The following KCNK2 variants were observed in gnomAD, a reference collection of about 807,000 sequenced individuals.
The protein encoded by KCNK2 is potassium channel subfamily K member 2.
Under a neutral mutation model 40.5 loss-of-function variants are expected in KCNK2, and 21 were observed. The ratio of observed to expected loss-of-function variants is 0.52; its 90% confidence interval spans 0.37 to 0.75. KCNK2 has a LOEUF of 0.75. KCNK2 is among the 30% of genes least tolerant of loss of function. KCNK2 has a pLI of 0.00. For missense variants in KCNK2, 399 were observed against 531.6 expected, an observed-to-expected ratio of 0.75 and a Z score of 2.45; for synonymous variants, 191 against 202.2, an observed-to-expected ratio of 0.94 and a Z score of 0.47.
chr1:215,121,266 G>C (rs529380622), intron 2 of KCNK2, among the ~76,000 whole-genome samples: 12 of 152,038 alleles, frequency 7.9e-5, no homozygotes, highest in Non-Finnish European at 1.2e-4. Flanking sequence ...CCCCCTCAGA[G>C]GTTTGTTAAG....
chr1:215,195,454 A>G lies in KCNK2; in HGVS notation c.963+362A>G, dbSNP rs532589030. Among the ~76,000 whole-genome samples the G allele has an allele frequency of 4.2e-3, 638 of 152,134 alleles. 19 individuals carry two copies. The South Asian group carries it at 0.063, about 15-fold the overall frequency. On this transcript the variant is annotated intron_variant, in intron 6 of 6. Transcript: ENST00000444842. Reference sequence around the variant, plus strand: ...AATATAATAGAAAATATTTGTATCAAGATATCAGTAGCATGAAATAGTGGA... The same window carrying G: ...AATATAATAGAAAATATTTGTATCAGGATATCAGTAGCATGAAATAGTGGA...
chr1:215,098,867 T>C (rs564170007), intron 2 of KCNK2, among the ~76,000 whole-genome samples: 1 of 152,116 alleles, frequency 6.6e-6, no homozygotes, highest in Non-Finnish European at 1.5e-5. Flanking sequence ...AGAGCTGTTT[T>C]ATTTTTCTCT....
At chr1:215,173,984 A>G (rs568793127) in intron 5 of KCNK2, among the ~76,000 whole-genome samples, 8 of 152,208 alleles carry the variant, frequency 5.3e-5, no homozygotes, top group Non-Finnish European at 8.8e-5. Flanking sequence ...ATTAGATCCC[A>G]TTTGTCAATT....
At chr1:215,072,927 C>A (rs565007894) in intron 1 of KCNK2, among the ~76,000 whole-genome samples, 50 of 151,950 alleles carry the variant, frequency 3.3e-4, no homozygotes, top group Non-Finnish European at 6.6e-4. Context: ...ACCCCAATAC[C>A]GTAGAATGTG....
In KCNK2 at chr1:215,024,409, A is replaced by G. The variant is rs546988668; in HGVS notation, c.34+18454A>G. ...TTGCAGGAGCCCAGTTCACTTACGC[A>G]GTGAATAATATGTTTCTAATCCTAG... On this transcript the variant is annotated intron_variant, in intron 1 of 6. Transcript: ENST00000391895. Among the ~76,000 whole-genome samples the G allele has an allele frequency of 2.0e-5, 3 of 152,354 alleles. No individual in the cohort carries two copies. The South Asian group carries it at 6.2e-4, about 32-fold the overall frequency.
At chr1:215,063,239 A>C (rs574651790) in intron 1 of KCNK2, among the ~76,000 whole-genome samples, 4 of 152,184 alleles carry the variant, frequency 2.6e-5, no homozygotes, top group Non-Finnish European at 5.9e-5. Flanking sequence ...AGAACATTCT[A>C]TTTCTTGCCA....
chr1:215,071,178 T>A (rs990660537), intron 1 of KCNK2, among the ~76,000 whole-genome samples: 1 of 152,172 alleles, frequency 6.6e-6, no homozygotes, highest in Non-Finnish European at 1.5e-5. Flanking sequence ...TCCATAAATA[T>A]ATTTGCATAA....
At chr1:215,211,052 A>G (rs1665723655) in intron 6 of KCNK2, among the ~76,000 whole-genome samples, 2 of 152,082 alleles carry the variant, frequency 1.3e-5, no homozygotes, top group African/African-American at 4.8e-5. Context: ...AAGACACCAG[A>G]ATAATCCTTT....
intron 2 of KCNK2, among the ~76,000 whole-genome samples, chr1:215,102,122 A>G (rs1660248696): frequency 6.6e-6 from 1 of 151,976 alleles, no homozygotes; most frequent in African/African-American, 2.4e-5. Context: ...AAATAAGTTA[A>G]CTGTAAAAGT....
chr1:215,172,607 A>G (rs916645444), intron 5 of KCNK2, among the ~76,000 whole-genome samples: 1 of 152,152 alleles, frequency 6.6e-6, no homozygotes, highest in Non-Finnish European at 1.5e-5. Context: ...CAAGTATAAC[A>G]TAACCACATC....
Position 215,083,088 on chromosome 1 carries a change from G to GTC in KCNK2, c.-298_-297insTC, listed in dbSNP as rs1192776146. 2.3e-6 allele frequency: 1 copy of GTC among 439,014 alleles called. No homozygotes were observed. Among genetic ancestry groups the GTC allele is most frequent in the Non-Finnish European group, 3.9e-6 (1 of 253,292 alleles). The allele number at this position is 439,014 out of a possible 1,614,324, so 27.2% of individuals were successfully genotyped here. On this transcript the variant is annotated 5_prime_UTR_variant, in exon 1 of 7. Transcript: ENST00000444842. ...TCCGGGTGACCCGGGCCCGGCAGCA[G>GTC]GCGCGCGCGGGGGCGGCGGCGCCCA...
At chr1:215,053,212 G>T (rs1433315161) in intron 1 of KCNK2, among the ~76,000 whole-genome samples, 2 of 152,170 alleles carry the variant, frequency 1.3e-5, no homozygotes, top group Non-Finnish European at 2.9e-5. Flanking sequence ...TCCATGGAAA[G>T]ACATGAAAAC....
intron 3 of KCNK2, among the ~76,000 whole-genome samples, chr1:215,134,167 C>T (rs1381978390): frequency 2.0e-5 from 3 of 152,062 alleles, no homozygotes; most frequent in Non-Finnish European, 1.5e-5. Context: ...TTTCTGACAC[C>T]AGATGTGTGG....
chr1:215,009,560 T>A (rs1355173347), intron 1 of KCNK2, among the ~76,000 whole-genome samples: 1 of 151,984 alleles, frequency 6.6e-6, no homozygotes, highest in African/African-American at 2.4e-5. Context: ...AGTTGTCCAA[T>A]GAAAATGGTT....
rs186464655 is a variant in KCNK2, at chr1:215,142,207, A to G, written c.475+17457A>G. On this transcript the variant is annotated intron_variant, in intron 3 of 6. Transcript: ENST00000444842. ...TAATTTTGTCTTTAAATCACAGTGAATTTATTTTTTGTTGGCTTTACGTTT... is the reference window on the plus strand; with the variant it reads ...TAATTTTGTCTTTAAATCACAGTGAGTTTATTTTTTGTTGGCTTTACGTTT... Among the ~76,000 whole-genome samples, 127 of 152,010 alleles carry G rather than the reference A, an allele frequency of 8.4e-4. 1 individual carries two copies. The highest frequency in any genetic ancestry group is 2.9e-3 in the African/African-American group (121 of 41,480).
chr1:215,233,494 A>G (rs1023529343), intron 6 of KCNK2, among the ~76,000 whole-genome samples: 3 of 152,034 alleles, frequency 2.0e-5, no homozygotes, highest in African/African-American at 4.8e-5. Context: ...ACACACATTT[A>G]TATCTATAGC....
chr1:215,162,819 T>A (rs1663261968), intron 3 of KCNK2, among the ~76,000 whole-genome samples: 1 of 152,106 alleles, frequency 6.6e-6, no homozygotes. Flanking sequence ...GCTGTTTTGG[T>A]TACTATAGCC....
intron 5 of KCNK2, among the ~76,000 whole-genome samples, chr1:215,174,497 A>G (rs1028130702): frequency 2.6e-5 from 4 of 152,086 alleles, no homozygotes; most frequent in African/African-American, 9.7e-5. Flanking sequence ...GTTTTTTCCA[A>G]TTCTGTGAAG....
At chr1:215,073,633 A>C (rs1415060821) in intron 1 of KCNK2, among the ~76,000 whole-genome samples, 1 of 152,202 alleles carries the variant, frequency 6.6e-6, no homozygotes, top group Non-Finnish European at 1.5e-5. Context: ...GCCAGTGACT[A>C]AACCACAGAG....
Sources: allele counts gnomAD v4.1 joint callset (sites outside exome capture counted in the v4.1 genomes callset), GRCh38; gene constraint gnomAD v4.1.1; transcripts MANE v1.5; gene names NCBI Gene and HGNC (gene_info 2026-07-23, HGNC 2026-07-21).